The following C1orf198 variants were observed in gnomAD, a reference collection of about 807,000 sequenced individuals.
C1orf198 encodes chromosome 1 open reading frame 198.
Under a neutral mutation model 31.4 loss-of-function variants are expected in C1orf198, and 17 were observed. The ratio of observed to expected loss-of-function variants is 0.54; its 90% CI spans 0.37 to 0.81. The LOEUF (loss-of-function observed/expected upper bound fraction) is 0.81, where lower values mean the gene tolerates loss of function less well. Ranked by LOEUF, C1orf198 falls within the 40% of genes least tolerant of loss-of-function variation. The probability of loss-of-function intolerance (pLI) is 0.00; values close to 1 mark genes in which losing one functional copy is unlikely to be tolerated. For missense variants in C1orf198, 401 were observed against 450.3 expected, an observed-to-expected ratio of 0.89 and a Z score of 0.99; for synonymous variants, 175 against 193.8, an observed-to-expected ratio of 0.90 and a Z score of 0.81.
intron 2 of C1orf198, among the ~76,000 whole-genome samples, chr1:230,851,546 G>T (rs1669744498): frequency 6.6e-6 from 1 of 152,260 alleles, no homozygotes. Flanking sequence ...CGAAACAGCA[G>T]TAGCATGAGA....
In C1orf198 at chr1:230,854,611, C is replaced by G. The variant is rs150155874; in HGVS notation, c.384+1057G>C. ...ATCTCAATTGTCCCACGCTCCCACG[C>G]CCTGAGGCCAGCTCACTTCACCCAG... On this transcript the variant is annotated intron_variant, in intron 2 of 3. Coordinates refer to ENST00000366663, the MANE Select transcript of C1orf198 (RefSeq NM_032800.3). Among the ~76,000 whole-genome samples the G allele has an allele frequency of 5.3e-5, 8 of 152,334 alleles. No individual in the cohort carries two copies. In the East Asian group the frequency reaches 7.7e-4, roughly 15 times the overall value.
intron 2 of C1orf198, among the ~76,000 whole-genome samples, chr1:230,850,464 TA>T (rs751995397): frequency 1.6e-4 from 24 of 152,088 alleles, no homozygotes; most frequent in Non-Finnish European, 3.4e-4. Context: ...CTCAGGTGGA[TA>T]GGGGTCAGGG....
intron 1 of C1orf198, among the ~76,000 whole-genome samples, chr1:230,867,099 G>A (rs1265236171): frequency 1.3e-5 from 2 of 152,030 alleles, no homozygotes; most frequent in South Asian, 2.1e-4. Context: ...CAACTTCCTC[G>A]GAAAAAATCT....
chr1:230,867,017 T>C (rs1670136624), intron 1 of C1orf198, among the ~76,000 whole-genome samples: 1 of 152,208 alleles, frequency 6.6e-6, no homozygotes, highest in Admixed American at 6.5e-5. Context: ...TTCGTATTAA[T>C]AAATGTCTCA....
Position 230,839,196 on chromosome 1 carries a change from A to T in C1orf198, c.*656T>A, listed in dbSNP as rs908636294. On this transcript the variant is annotated 3_prime_UTR_variant, in exon 4 of 4. Coordinates refer to ENST00000366663, the MANE Select transcript of C1orf198 (RefSeq NM_032800.3). Reference sequence around the variant, plus strand: ...TTAAACATGCAACTCTTTTTAAACAACAATCCATACTCTGAATATGTATCA... The same window carrying T: ...TTAAACATGCAACTCTTTTTAAACATCAATCCATACTCTGAATATGTATCA... 4 of 152,312 alleles carry T rather than the reference A, an allele frequency of 2.6e-5. No homozygotes were observed. The highest frequency in any genetic ancestry group is 9.6e-5 in the African/African-American group (4 of 41,476). The allele number at this position is 152,312 out of a possible 1,614,324, so 9.4% of individuals were successfully genotyped here.
Position 230,858,763 on chromosome 1 carries a change from C to A in C1orf198, c.334-3045G>T, listed in dbSNP as rs367573583. ...TATGATTCTAAATATTAATTATATA[C>A]CTTAAGTCCCTTTGAAATCTGCAAA... On this transcript the variant is annotated intron_variant, in intron 1 of 3. Transcript: ENST00000366663. Among the ~76,000 whole-genome samples the A allele has an allele frequency of 4.6e-5, 7 of 152,322 alleles. No homozygotes were observed. In the East Asian group the frequency reaches 1.4e-3, roughly 29 times the overall value.
intron 3 of C1orf198, among the ~76,000 whole-genome samples, chr1:230,842,805 A>G (rs1378750474): frequency 6.6e-6 from 1 of 152,122 alleles, no homozygotes; most frequent in Non-Finnish European, 1.5e-5. Flanking sequence ...GGGCCAGAGG[A>G]GGATGGGTGA....
rs1249723852 is a variant in C1orf198 at position 230,843,349 on chromosome 1, C to T, written c.927+5G>A. Reference sequence around the variant, plus strand: ...TCTGAGGACGCGCTGGTAAAGGCCACTCACCTGTGCAAACTTGGGTTCCGA... The same window carrying T: ...TCTGAGGACGCGCTGGTAAAGGCCATTCACCTGTGCAAACTTGGGTTCCGA... On this transcript the variant is annotated splice_donor_5th_base_variant and intron_variant, in intron 3 of 3. Coordinates refer to ENST00000366663, the MANE Select transcript of C1orf198 (RefSeq NM_032800.3). The surrounding 1 kb of genome is among the most constrained non-coding windows in gnomAD (Gnocchi z 4.9). The T allele has an allele frequency of 4.5e-6, 7 of 1,552,734 alleles. No individual in the cohort carries two copies. Among genetic ancestry groups the T allele is most frequent in the South Asian group, 1.2e-5 (1 of 84,172 alleles).
chr1:230,844,452 C>T (rs542966038), intron 2 of C1orf198, among the ~76,000 whole-genome samples: 24 of 152,226 alleles, frequency 1.6e-4, no homozygotes, highest in Admixed American at 1.1e-3. Context: ...CTGTGCAGCC[C>T]GCAGAACCGT....
At chr1:230,855,568 A>AGG (rs1669851697) in intron 2 of C1orf198, 100 bp downstream of exon 2, 3 of 1,305,622 alleles carry the variant, frequency 2.3e-6, no homozygotes. Flanking sequence ...CCTGGCAGTC[A>AGG]GGGGGCTGTC....
In C1orf198 at chr1:230,839,739, G is replaced by C; in HGVS notation, c.*113C>G. On this transcript the variant is annotated 3_prime_UTR_variant, in exon 4 of 4. Transcript: ENST00000366663. ...ACCAGTTTCCAAATGATTAAGAAAAGAGTGTCAAGAAACCAGTAAAATACA... is the reference window on the plus strand; with the variant it reads ...ACCAGTTTCCAAATGATTAAGAAAACAGTGTCAAGAAACCAGTAAAATACA... 1 of 908,862 alleles carries C rather than the reference G, an allele frequency of 1.1e-6. No individual in the cohort carries two copies. The allele number at this position is 908,862 out of a possible 1,614,324, so 56.3% of individuals were successfully genotyped here.
At chr1:230,864,086 C>T (rs1670059773) in intron 1 of C1orf198, among the ~76,000 whole-genome samples, 1 of 152,122 alleles carries the variant, frequency 6.6e-6, no homozygotes, top group Admixed American at 6.5e-5. Context: ...AGCAGCCAAA[C>T]TCAAATCTAA....
intron 2 of C1orf198, among the ~76,000 whole-genome samples, chr1:230,853,763 AT>A (rs1669802240): frequency 6.6e-6 from 1 of 152,220 alleles, no homozygotes; most frequent in South Asian, 2.1e-4. Context: ...GGTGACACAT[AT>A]TAACCAGATT....
At chr1:230,859,800 G>A (rs915057429) in intron 1 of C1orf198, among the ~76,000 whole-genome samples, 5 of 152,118 alleles carry the variant, frequency 3.3e-5, no homozygotes, top group Non-Finnish European at 2.9e-5. Context: ...ATTCAATTCA[G>A]TGTGCACCTC....
intron 1 of C1orf198, among the ~76,000 whole-genome samples, chr1:230,858,933 G>C (rs927257562): frequency 6.6e-6 from 1 of 152,164 alleles, no homozygotes; most frequent in African/African-American, 2.4e-5. Flanking sequence ...GTCACAGGAG[G>C]AGAAAGGGTC....
chr1:230,859,921 A>C (rs368728433), intron 1 of C1orf198, among the ~76,000 whole-genome samples: 9 of 151,940 alleles, frequency 5.9e-5, no homozygotes, highest in Non-Finnish European at 8.8e-5. Context: ...ACTTGTTGAT[A>C]AAAAAAATGG....
In C1orf198 at chr1:230,868,508, G is replaced by T; in HGVS notation, c.5C>A (p.Ala2Glu). 1 of 1,366,478 alleles carries T rather than the reference G, an allele frequency of 7.3e-7. No individual in the cohort carries two copies. 84.6% of individuals were successfully genotyped at this position (1,366,478 alleles called of 1,614,324 possible). A position where few individuals can be genotyped will look rare whatever the true frequency, so the allele number is the denominator to read the frequency against. M[A>E]SMAAAIAASR... ...AGCCGCGATCGCCGCCGCCATGGAC[G>T]CCATGCCCGGCCTGCCCGCCGCTCC... The change falls in exon 1 of 4, where the codon GCG (alanine) becomes GAG (glutamate). Residue 2 changes from alanine to glutamate, a missense_variant. Ala to Glu is a moderately radical substitution (Grantham distance 107, BLOSUM62 -1). Transcript: ENST00000366663.
intron 1 of C1orf198, among the ~76,000 whole-genome samples, chr1:230,856,914 A>G (rs2102987863): frequency 6.6e-6 from 1 of 152,246 alleles, no homozygotes; most frequent in Non-Finnish European, 1.5e-5. Context: ...CCTCTCCTCT[A>G]CAGGGCAAAC....
intron 3 of C1orf198, among the ~76,000 whole-genome samples, chr1:230,842,934 G>C (rs963887053): frequency 1.3e-5 from 2 of 152,136 alleles, no homozygotes; most frequent in Non-Finnish European, 2.9e-5. Context: ...TGCCTGCTTT[G>C]CCAACAGGCA....
Sources: allele counts gnomAD v4.1 joint callset (sites outside exome capture counted in the v4.1 genomes callset), GRCh38; gene constraint gnomAD v4.1.1; non-coding constraint Gnocchi (gnomAD v3.1); transcripts MANE v1.5; gene names NCBI Gene and HGNC (gene_info 2026-07-23, HGNC 2026-07-21).